CDON: variants seen among roughly 807,000 people sequenced by gnomAD.
CDON encodes cell adhesion associated, oncogene regulated.
A neutral mutation model predicts 120.9 loss-of-function variants in CDON; 73 were observed. The observed-to-expected ratio is 0.60, with a 90% CI of 0.50 to 0.73. The LOEUF (loss-of-function observed/expected upper bound fraction) is 0.73, where lower values mean the gene tolerates loss of function less well. Ranked by LOEUF, CDON falls within the 30% of genes least tolerant of loss-of-function variation. CDON has a pLI of 0.00. For missense variants in CDON, 1,470 were observed against 1,587.3 expected (o/e 0.93, Z 1.26); for synonymous variants, 566 against 573.5 (o/e 0.99, Z 0.19).
intron 1 of CDON, among the ~76,000 whole-genome samples, chr11:126,032,433 G>T (rs553456575): frequency 9.2e-5 from 14 of 152,064 alleles, no homozygotes; most frequent in Non-Finnish European, 2.1e-4. Context: ...TGAGGGGAAA[G>T]CAACATAAAT....
intron 1 of CDON, among the ~76,000 whole-genome samples, chr11:126,057,095 T>C (rs1429962126): frequency 6.6e-6 from 1 of 152,118 alleles, no homozygotes; most frequent in East Asian, 1.9e-4. Context: ...AAGTATTTGG[T>C]TTATGGAATT....
Position 126,023,499 on chromosome 11 carries a change from C to A in CDON, c.-23G>T, listed in dbSNP as rs1947697703. 1.3e-6 allele frequency: 2 copies of A among 1,558,562 alleles called. No individual in the cohort carries two copies. The highest frequency in any genetic ancestry group is 1.4e-5 in the African/African-American group (1 of 73,742). On this transcript the variant is annotated 5_prime_UTR_variant, in exon 2 of 20. Transcript: ENST00000531738. ...CATAGCGCCAGATTACAGAAGCAAT[C>A]AGGACAGGCTTCCAGAGCAAAACCC...
intron 11 of CDON, 46 bp from the exon 12 acceptor site, chr11:125,997,456 A>G: frequency 7.4e-7 from 1 of 1,355,282 alleles, no homozygotes; most frequent in Non-Finnish European, 1.0e-6. Flanking sequence ...TGTCAGAGAC[A>G]AGAATAACAT....
In CDON at chr11:126,035,031, G is replaced by A. The variant is rs540704461; in HGVS notation, c.-61-11494C>T. 3.9e-5 allele frequency among the ~76,000 whole-genome samples: 6 copies of A among 152,316 alleles called. No homozygotes were observed. The South Asian group carries it at 8.3e-4, about 21-fold the overall frequency. On this transcript the variant is annotated intron_variant, in intron 1 of 19. Transcript: ENST00000531738. ...ATAGGTGTTAGGTAATATAATTAAC[G>A]TAGTTGTTAACAGGTCCAGCGCTTT...
At chr11:126,013,592 TTTAGC>T (rs1442657313) in intron 7 of CDON, among the ~76,000 whole-genome samples, 1 of 152,178 alleles carries the variant, frequency 6.6e-6, no homozygotes, top group East Asian at 1.9e-4. Flanking sequence ...TGTCACAAAA[TTTAGC>T]TTAATCTTAT....
chr11:125,978,706 C>G (rs917097995), intron 17 of CDON, among the ~76,000 whole-genome samples: 2 of 152,124 alleles, frequency 1.3e-5, no homozygotes, highest in Admixed American at 6.5e-5. Context: ...CTAGTGGGCT[C>G]AAAATACATT....
At chr11:126,003,056 C>A (rs1360478875) in intron 10 of CDON, among the ~76,000 whole-genome samples, 2 of 152,142 alleles carry the variant, frequency 1.3e-5, no homozygotes, top group African/African-American at 4.8e-5. Flanking sequence ...TTCTGGCCAC[C>A]TGCTTAAACT....
At chr11:126,018,839 G>C (rs1406868286) in intron 4 of CDON, among the ~76,000 whole-genome samples, 1 of 152,132 alleles carries the variant, frequency 6.6e-6, no homozygotes, top group Non-Finnish European at 1.5e-5. Flanking sequence ...CAAAGTGCTG[G>C]GATTATAGGC....
At chr11:126,028,114 A>G (rs2134737259) in intron 1 of CDON, among the ~76,000 whole-genome samples, 1 of 152,208 alleles carries the variant, frequency 6.6e-6, no homozygotes, top group African/African-American at 2.4e-5. Context: ...TTTTACAAGA[A>G]TTGCTAAATT....
chr11:126,000,931 G>A lies in CDON; in HGVS notation c.2158+788C>T, dbSNP rs139067431. Among the ~76,000 whole-genome samples, 36 of 152,298 alleles carry A rather than the reference G, an allele frequency of 2.4e-4. No homozygotes were observed. In the East Asian group the frequency reaches 6.9e-3, roughly 29 times the overall value. On this transcript the variant is annotated intron_variant, in intron 11 of 19. Transcript: ENST00000531738. ...ACAAAAAGCACACCTGGCTATAAGT[G>A]TAGTGCTCATATAAGTGTGAAATTG... is the stretch of plus-strand genomic sequence containing the variant.
chr11:125,998,502 G>A (rs1292717872), intron 11 of CDON, among the ~76,000 whole-genome samples: 6 of 152,044 alleles, frequency 3.9e-5, no homozygotes, highest in Non-Finnish European at 7.4e-5. Context: ...ACTGTAACCT[G>A]AGGCCTCACT....
chr11:126,034,999 G>C lies in CDON; in HGVS notation c.-61-11462C>G, dbSNP rs543205415. 8.5e-5 allele frequency among the ~76,000 whole-genome samples: 13 copies of C among 152,290 alleles called. No individual in the cohort carries two copies. Among genetic ancestry groups the C allele is most frequent in the African/African-American group, 3.1e-4 (13 of 41,548 alleles). On this transcript the variant is annotated intron_variant, in intron 1 of 19. Transcript: ENST00000531738. The surrounding 1 kb of genome is among the most constrained non-coding windows in gnomAD (Gnocchi z 4.5). The stretch of plus-strand genomic sequence containing the variant: ...GGAATATGGAAACATTTGAAAAAGT[G>C]CCCCATATAGGTGTTAGGTAATATA...
intron 6 of CDON, among the ~76,000 whole-genome samples, chr11:126,016,783 A>G (rs758661377): frequency 8.5e-5 from 13 of 152,178 alleles, no homozygotes; most frequent in Non-Finnish European, 1.6e-4. Flanking sequence ...GATATAGGCT[A>G]GATTCTTCCA....
chr11:125,967,226 T>G (rs765932494), intron 18 of CDON, among the ~76,000 whole-genome samples: 5 of 152,224 alleles, frequency 3.3e-5, no homozygotes, highest in Non-Finnish European at 7.3e-5. Flanking sequence ...AGTATTTGTA[T>G]TGTCTGGAAA....
At chr11:125,987,529 A>C (rs1454759943) in intron 15 of CDON, among the ~76,000 whole-genome samples, 3 of 152,258 alleles carry the variant, frequency 2.0e-5, no homozygotes, top group African/African-American at 7.2e-5. Flanking sequence ...ATTCAATATG[A>C]ATAGTTAACA....
At chr11:125,962,025 G>C in intron 18 of CDON, 27 bp from the exon 19 acceptor site, 8 of 1,565,918 alleles carry the variant, frequency 5.1e-6, no homozygotes, top group Non-Finnish European at 7.0e-6. Flanking sequence ...AAAAGAAACA[G>C]AATTGTGTCT....
At chr11:126,021,606 GT>G in intron 2 of CDON, 86 bp from the exon 3 acceptor site, 2 of 1,191,582 alleles carry the variant, frequency 1.7e-6, no homozygotes, top group Non-Finnish European at 2.4e-6. Flanking sequence ...CATTTCATCT[GT>G]ATCTTTATAA....
chr11:126,019,610 A>AG lies in CDON; in HGVS notation c.496+8dup. On this transcript the variant is annotated intron_variant, in intron 4 of 19. Coordinates refer to ENST00000531738, the MANE Select transcript of CDON (RefSeq NM_001378964.1). The stretch of plus-strand genomic sequence containing the variant: ...GTGTGTGCCACCGGCTTTTCACAAA[A>AG]GGTCTCACCTGTGGAATGTTCCAGC... 1 of 1,614,098 alleles carries AG rather than the reference A, an allele frequency of 6.2e-7. No homozygotes were observed. The highest frequency in any genetic ancestry group is 2.2e-5 in the East Asian group (1 of 44,878).
intron 1 of CDON, among the ~76,000 whole-genome samples, chr11:126,049,886 G>T (rs140551900): frequency 6.6e-6 from 1 of 152,208 alleles, no homozygotes; most frequent in East Asian, 1.9e-4. Flanking sequence ...CACAAATAAC[G>T]AACTAAAACA....
Sources: gnomAD v4.1 joint callset for allele counts (sites outside exome capture counted in the v4.1 genomes callset) on GRCh38, gnomAD v4.1.1 for gene constraint, Gnocchi (gnomAD v3.1) non-coding constraint, MANE v1.5 for transcripts, NCBI Gene and HGNC (gene_info 2026-07-23, HGNC 2026-07-21) for gene names.